The following NACC2 variants were observed in gnomAD, a reference collection of about 807,000 sequenced individuals.
NACC2 encodes the protein NACC family member 2, also known as nucleus accumbens-associated protein 2.
A neutral mutation model predicts 25.1 loss-of-function variants in NACC2; 8 were observed. That is an observed-to-expected ratio of 0.32 (90% CI 0.19 to 0.57). NACC2 has a LOEUF of 0.57. Ranked by LOEUF, NACC2 falls within the 20% of genes least tolerant of loss-of-function variation. NACC2 has a pLI of 0.89. For missense variants in NACC2, 644 were observed against 650.2 expected, an observed-to-expected ratio of 0.99 and a Z score of 0.10; for synonymous variants, 435 against 294.7, an observed-to-expected ratio of 1.48 and a Z score of -4.88.
intron 1 of NACC2, among the ~76,000 whole-genome samples, chr9:136,088,696 CAG>C (rs1383399244): frequency 1.3e-5 from 2 of 152,338 alleles, no homozygotes; most frequent in East Asian, 3.9e-4. Context: ...CACTGAGACA[CAG>C]GGAGGCAAAG....
At chr9:136,025,464 A>C (rs777453209) in intron 2 of NACC2, among the ~76,000 whole-genome samples, 4 of 152,198 alleles carry the variant, frequency 2.6e-5, no homozygotes, top group Non-Finnish European at 4.4e-5. Flanking sequence ...ACAACAAAAC[A>C]AAACCAACAA....
intron 1 of NACC2, among the ~76,000 whole-genome samples, chr9:136,051,676 G>T (rs1270560032): frequency 6.6e-6 from 1 of 152,058 alleles, no homozygotes; most frequent in Non-Finnish European, 1.5e-5. Context: ...GCGCGCCGGG[G>T]GCGGCCCGCA....
chr9:136,031,748 G>C (rs914892601), intron 2 of NACC2, among the ~76,000 whole-genome samples: 4 of 152,212 alleles, frequency 2.6e-5, no homozygotes, highest in Non-Finnish European at 5.9e-5. Flanking sequence ...AAATCCTAAA[G>C]AAGTTCTAAA....
At chr9:136,031,606 A>G (rs759120815) in intron 2 of NACC2, among the ~76,000 whole-genome samples, 2 of 152,060 alleles carry the variant, frequency 1.3e-5, no homozygotes, top group Admixed American at 6.6e-5. Context: ...CCAAAGTGCT[A>G]GGATTACAGG....
intron 2 of NACC2, among the ~76,000 whole-genome samples, chr9:136,021,173 G>A (rs565844287): frequency 1.3e-5 from 2 of 152,258 alleles, no homozygotes; most frequent in South Asian, 2.1e-4. Context: ...AAGAAATCTC[G>A]ATACTCAACA....
intron 2 of NACC2, among the ~76,000 whole-genome samples, chr9:136,033,176 AAAAATAAAAT>A (rs565687845): frequency 1.3e-5 from 2 of 151,766 alleles, no homozygotes; most frequent in South Asian, 2.1e-4. Context: ...ACCCTGTCTC[AAAAATAAAAT>A]AAAATAAAAT....
intron 1 of NACC2, among the ~76,000 whole-genome samples, chr9:136,061,641 A>C (rs888307827): frequency 6.6e-6 from 1 of 152,198 alleles, no homozygotes; most frequent in African/African-American, 2.4e-5. Flanking sequence ...CCCAGCCCCC[A>C]GCCTCAGCCC....
At position 136,051,021 on chromosome 9, in the gene NACC2, G is replaced by A. The variant is rs572550786; in HGVS notation, c.-59-441C>T. On this transcript the variant is annotated intron_variant, in intron 1 of 5. Coordinates refer to ENST00000277554, the MANE Select transcript of NACC2 (RefSeq NM_144653.5). ...GGAGCTCCCGGGAGGGGCCGCGCTG[G>A]AGCAGCGGGGAAGGAGGGAGGGAGG... is the stretch of plus-strand genomic sequence containing the variant. Among the ~76,000 whole-genome samples the A allele has an allele frequency of 8.7e-3, 1,330 of 152,334 alleles. 12 individuals carry two copies. The highest frequency in any genetic ancestry group is 0.015 in the South Asian group (73 of 4,828).
rs931686530 is a variant in NACC2, at chr9:136,016,547, G to A, written c.887-118C>T. 2.4e-6 allele frequency: 3 copies of A among 1,268,618 alleles called. No homozygotes were observed. In the African/African-American group the frequency reaches 4.4e-5, roughly 19 times the overall value. The allele number at this position is 1,268,618 out of a possible 1,614,324, so 78.6% of individuals were successfully genotyped here. A position where few individuals can be genotyped will look rare whatever the true frequency, so the allele number is the denominator to read the frequency against. On this transcript the variant is annotated intron_variant, in intron 2 of 5. Transcript: ENST00000277554. ...GTGTTAGACCCACTCTGCCCACCTG[G>A]GCCCAGGTGAGGCCACTCTGTGCCG... is the stretch of plus-strand genomic sequence containing the variant.
At chr9:136,060,728 G>A (rs1840997636) in intron 1 of NACC2, among the ~76,000 whole-genome samples, 3 of 152,214 alleles carry the variant, frequency 2.0e-5, no homozygotes, top group Non-Finnish European at 2.9e-5. Context: ...AAACATAGCC[G>A]GTGAGCACGG....
At position 136,013,984 on chromosome 9, in the gene NACC2, CAG is replaced by C; in HGVS notation, c.1052-17_1052-16del. On this transcript the variant is annotated splice_polypyrimidine_tract_variant and intron_variant, in intron 3 of 5. Transcript: ENST00000277554. This position sits in a 1 kb window ranked among gnomAD's most constrained non-coding sequence, Gnocchi z 6.6. The stretch of plus-strand genomic sequence containing the variant: ...GACCCCAGAGCCTGCAGCCACCAAA[CAG>C]AAAAAGGGCTCGTGGCCTTCCCGGG... The C allele has an allele frequency of 6.3e-7, 1 of 1,584,714 alleles. No individual in the cohort carries two copies. The highest frequency in any genetic ancestry group is 2.3e-5 in the East Asian group (1 of 43,308).
At chr9:136,012,702 G>A (rs1840130892) in intron 5 of NACC2, among the ~76,000 whole-genome samples, 1 of 137,288 alleles carries the variant, frequency 7.3e-6, no homozygotes. Context: ...ACAAGATAGT[G>A]CTTCTTGGGC....
At chr9:136,090,804 C>T (rs550555105) in intron 1 of NACC2, among the ~76,000 whole-genome samples, 41 of 152,246 alleles carry the variant, frequency 2.7e-4, no homozygotes, top group Middle Eastern at 6.8e-3. Flanking sequence ...GGGCTGCCCT[C>T]GGGGCCCCGG....
At position 136,084,441 on chromosome 9, in the gene NACC2, C is replaced by A. The variant is rs72773727; in HGVS notation, c.-60+10748G>T. Among the ~76,000 whole-genome samples, 6 of 152,272 alleles carry A rather than the reference C, an allele frequency of 3.9e-5. No homozygotes were observed. In the South Asian group the frequency reaches 6.2e-4, roughly 16 times the overall value. ...GCTGGTGGGGCAACGTCCAAGAAGG[C>A]GGTATCTCTGACGTCCCTGCCCAAG... is the stretch of plus-strand genomic sequence containing the variant. On this transcript the variant is annotated intron_variant, in intron 1 of 5. Transcript: ENST00000277554. The surrounding 1 kb of genome is among the most constrained non-coding windows in gnomAD (Gnocchi z 5.1).
intron 1 of NACC2, among the ~76,000 whole-genome samples, chr9:136,090,580 A>T (rs980625894): frequency 6.6e-6 from 1 of 152,204 alleles, no homozygotes; most frequent in Non-Finnish European, 1.5e-5. Flanking sequence ...AACGCCCTCC[A>T]TGAGGGACCC....
intron 2 of NACC2, among the ~76,000 whole-genome samples, chr9:136,025,278 A>G (rs1840371204): frequency 6.6e-6 from 1 of 152,174 alleles, no homozygotes; most frequent in Non-Finnish European, 1.5e-5. Flanking sequence ...AACAGTCCCC[A>G]GACCCTTTGA....
rs1249820485 is a variant in NACC2 at position 136,052,669 on chromosome 9, A to C, written c.-59-2089T>G. On this transcript the variant is annotated intron_variant, in intron 1 of 5. Transcript: ENST00000277554. Reference sequence around the variant, plus strand: ...AGCGCCCTCCTGGCACTTTAAGAAAAGAGCGACTTTGTGGCCGGGCAACCA... The same window carrying C: ...AGCGCCCTCCTGGCACTTTAAGAAACGAGCGACTTTGTGGCCGGGCAACCA... Among the ~76,000 whole-genome samples the C allele has an allele frequency of 2.6e-5, 4 of 152,272 alleles. No individual in the cohort carries two copies. The East Asian group carries it at 7.7e-4, about 29-fold the overall frequency.
At position 136,010,628 on chromosome 9, in the gene NACC2, T is replaced by C. The variant is rs577418392; in HGVS notation, c.*888A>G. 1 of 152,178 alleles carries C rather than the reference T, an allele frequency of 6.6e-6. No homozygotes were observed. The highest frequency in any genetic ancestry group is 2.1e-4 in the South Asian group (1 of 4,820). 9.4% of individuals were successfully genotyped at this position (152,178 alleles called of 1,614,324 possible). The stretch of plus-strand genomic sequence containing the variant: ...TGAGTCTGAAAGTTTCCAAACCATA[T>C]ATGAAATAGATCTAAATTACAACAA... On this transcript the variant is annotated 3_prime_UTR_variant, in exon 6 of 6. Coordinates refer to ENST00000277554, the MANE Select transcript of NACC2 (RefSeq NM_144653.5). This position sits in a 1 kb window ranked among gnomAD's most constrained non-coding sequence, Gnocchi z 4.9.
Position 136,042,935 on chromosome 9 carries a change from G to GAGAC in NACC2, c.886+6697_886+6700dup, listed in dbSNP as rs1220877156. On this transcript the variant is annotated intron_variant, in intron 2 of 5. Transcript: ENST00000277554. The stretch of plus-strand genomic sequence containing the variant: ...ACACAGAGACAAACAGACACACACA[G>GAGAC]AGACAGACAGACACACACAGACACA... 2.3e-5 allele frequency among the ~76,000 whole-genome samples: 3 copies of GAGAC among 133,002 alleles called. No homozygotes were observed. The East Asian group carries it at 6.6e-4, about 29-fold the overall frequency. The allele number at this position is 133,002 out of a possible 152,430, so 87.3% of individuals were successfully genotyped here.
Sources: gnomAD v4.1 joint callset for allele counts (sites outside exome capture counted in the v4.1 genomes callset) on GRCh38, gnomAD v4.1.1 for gene constraint, Gnocchi (gnomAD v3.1) non-coding constraint, MANE v1.5 for transcripts, NCBI Gene and HGNC (gene_info 2026-07-23, HGNC 2026-07-21) for gene names.